Variants in CHD5 observed in about 807,000 individuals in gnomAD.
CHD5 encodes the protein ATP-dependent chromatin remodeler CHD5.
In CHD5, 69 loss-of-function variants were observed where a neutral mutation model predicts 230.3. The ratio of observed to expected loss-of-function variants is 0.30; its 90% CI spans 0.25 to 0.37. CHD5 has a LOEUF of 0.37. Among genes scored for constraint, CHD5 ranks in the 10% least tolerant of loss-of-function variants. The pLI, the probability that CHD5 is intolerant of heterozygous loss-of-function variation, is 1.00. For synonymous variants in CHD5, 1,064 were observed against 1,065.9 expected, an observed-to-expected ratio of 1.00 and a Z score of 0.03; for missense variants, 1,827 against 2,622.8, an observed-to-expected ratio of 0.70 and a Z score of 6.63.
Position 6,142,671 on chromosome 1 carries a change from C to CCTG in CHD5, c.2044-67_2044-66insCAG. On this transcript the variant is annotated intron_variant, in intron 13 of 41. Transcript: ENST00000262450. This position sits in a 1 kb window ranked among gnomAD's most constrained non-coding sequence, Gnocchi z 5.2. The stretch of plus-strand genomic sequence containing the variant: ...GGCCACCAGAGTCCACACTACAGGC[C>CCTG]TTTGCACATGCAATTCCTTCTGCCT... The CCTG allele has an allele frequency of 6.7e-7, 1 of 1,486,378 alleles. No homozygotes were observed. Among genetic ancestry groups the CCTG allele is most frequent in the South Asian group, 1.3e-5 (1 of 78,602 alleles). 92.1% of individuals were successfully genotyped at this position (1,486,378 alleles called of 1,614,324 possible).
At chr1:6,127,019 AT>A (rs1666569255) in intron 25 of CHD5, 1 of 504,114 alleles carries the variant, frequency 2.0e-6, no homozygotes, top group South Asian at 2.2e-5. Flanking sequence ...ACTGAGTTGA[AT>A]AAGCTCCCCC....
chr1:6,169,203 G>C (rs984532464), intron 1 of CHD5, among the ~76,000 whole-genome samples: 3 of 152,052 alleles, frequency 2.0e-5, no homozygotes, highest in South Asian at 4.1e-4. Flanking sequence ...CGTGGATCCC[G>C]CACCTGTGCA....
rs1246102971 is a variant in CHD5, at chr1:6,131,187, C to T, written c.3262+444G>A. ...CTGACCTCCACCCTCGCCTCTCCTT[C>T]CCAGGCAGGGAAGACCAAGCATGGG... On this transcript the variant is annotated intron_variant, in intron 21 of 41. Transcript: ENST00000262450. The surrounding 1 kb of genome is among the most constrained non-coding windows in gnomAD (Gnocchi z 5.0). Among the ~76,000 whole-genome samples the T allele has an allele frequency of 2.0e-5, 3 of 152,228 alleles. No homozygotes were observed. Among genetic ancestry groups the T allele is most frequent in the Non-Finnish European group, 4.4e-5 (3 of 68,030 alleles).
intron 15 of CHD5, among the ~76,000 whole-genome samples, chr1:6,139,538 A>AT (rs34914652): frequency 0.17 from 23,091 of 139,158 alleles, 1,965 homozygotes; most frequent in Middle Eastern, 0.27. Context: ...TGCCCGGCTG[A>AT]TTTTTTTTTT....
chr1:6,109,865 G>T lies in CHD5; in HGVS notation c.5508C>A (p.Ala1836=). The part of the protein sequence containing the change: ...NARLAEVECL[A]ESHQHLSKES... ...CCTTGGACAGGTGCTGGTGGCTCTC[G>T]GCGAGGCACTCCACTTCAGCCAGGC... Residue 1836 remains alanine, a synonymous_variant, in exon 38 of 42, where the codon GCC becomes GCA. Coordinates refer to ENST00000262450, the MANE Select transcript of CHD5 (RefSeq NM_015557.3). 2.5e-6 allele frequency: 4 copies of T among 1,612,756 alleles called. No individual in the cohort carries two copies. Among genetic ancestry groups the T allele is most frequent in the Non-Finnish European group, 3.4e-6 (4 of 1,179,674 alleles).
chr1:6,126,735 C>G lies in CHD5; in HGVS notation c.3915G>C (p.Glu1305Asp). Residue 1305 changes from glutamate (E) to aspartate (D), a missense_variant, in exon 26 of 42, where the codon GAG becomes GAC. Glu to Asp is a conservative substitution (Grantham distance 45, BLOSUM62 2). Around this residue, in one of 14 missense-constraint regions of CHD5, gnomAD observed 137 missense variants for 272.7 expected, o/e 0.50. Transcript: ENST00000262450. The surrounding 1 kb of genome is among the most constrained non-coding windows in gnomAD (Gnocchi z 5.7). ...VREEDGVEEV[E>D]REIIKQEENV... ...TCTCCTCCTGCTTGATGATTTCCCGCTCCACCTCCTCCTGGGGACGCAGCA... is the reference window on the plus strand; with the variant it reads ...TCTCCTCCTGCTTGATGATTTCCCGGTCCACCTCCTCCTGGGGACGCAGCA... The G allele has an allele frequency of 6.2e-7, 1 of 1,613,462 alleles. No homozygotes were observed. The highest frequency in any genetic ancestry group is 8.5e-7 in the Non-Finnish European group (1 of 1,179,616).
chr1:6,179,097 C>T (rs914953558), intron 1 of CHD5, among the ~76,000 whole-genome samples: 5 of 152,248 alleles, frequency 3.3e-5, no homozygotes, highest in East Asian at 1.9e-4. Context: ...AGAACTGTCC[C>T]GCAAGGCAAC....
At chr1:6,137,777 T>C (rs1666767440) in intron 15 of CHD5, among the ~76,000 whole-genome samples, 1 of 152,238 alleles carries the variant, frequency 6.6e-6, no homozygotes, top group Non-Finnish European at 1.5e-5. Flanking sequence ...TGATGTGAAA[T>C]TATTAATCAT....
Position 6,167,814 on chromosome 1 carries a change from A to T in CHD5, c.207+336T>A, listed in dbSNP as rs1041168363. ...ATCAGGTTTCAGTTTAGAGGGACGG[A>T]GTCAGCTACAGAGCAGGGAGTGGGG... On this transcript the variant is annotated intron_variant, in intron 2 of 41. Transcript: ENST00000262450. This position sits in a 1 kb window ranked among gnomAD's most constrained non-coding sequence, Gnocchi z 4.5. Among the ~76,000 whole-genome samples the T allele has an allele frequency of 2.0e-5, 3 of 152,110 alleles. No individual in the cohort carries two copies. The highest frequency in any genetic ancestry group is 4.8e-5 in the African/African-American group (2 of 41,402).
At chr1:6,113,056 C>T in intron 33 of CHD5, 58 bp from the exon 34 acceptor site, 1 of 1,208,322 alleles carries the variant, frequency 8.3e-7, no homozygotes, top group African/African-American at 1.5e-5. Context: ...ACAGAGGACT[C>T]TGGGCTCGTG....
intron 20 of CHD5, among the ~76,000 whole-genome samples, 153 bp downstream of exon 20, chr1:6,133,975 C>T (rs1038028188): frequency 6.6e-6 from 1 of 152,090 alleles, no homozygotes; most frequent in Non-Finnish European, 1.5e-5. Context: ...TGCCAGGGCA[C>T]GGGGGAGTGA....
rs755903378 is a variant in CHD5 at position 6,111,763 on chromosome 1, G to C, written c.5249+12C>G. On this transcript the variant is annotated intron_variant, in intron 36 of 41. Transcript: ENST00000262450. ...GGCAAGTCCCTGCCCAGCCCGGCCT[G>C]GCCAAGGATACGTCACGATGCCCGC... is the stretch of plus-strand genomic sequence containing the variant. The C allele has an allele frequency of 8.7e-6, 14 of 1,610,576 alleles. No homozygotes were observed. Among genetic ancestry groups the C allele is most frequent in the Non-Finnish European group, 1.2e-5 (14 of 1,177,550 alleles).
Position 6,151,092 on chromosome 1 carries a change from G to C in CHD5, c.934C>G (p.Arg312Gly). The change falls in exon 7 of 42, where the codon CGC (arginine) becomes GGC (glycine). Residue 312 changes from arginine (R) to glycine (G), a missense_variant. By Grantham distance (125) the Arg-to-Gly change is moderately radical. Transcript: ENST00000262450. Reference sequence around the variant, plus strand: ...CCCAGGGCTGCAGAGCATTCGGAGCGCACGGAGGCACTGTGGATGCTGGCG... The same window carrying C: ...CCCAGGGCTGCAGAGCATTCGGAGCCCACGGAGGCACTGTGGATGCTGGCG... ...DSASIHSASV[R>G]SECSAALGKK... 6.2e-7 allele frequency: 1 copy of C among 1,609,354 alleles called. No homozygotes were observed. Among genetic ancestry groups the C allele is most frequent in the Non-Finnish European group, 8.5e-7 (1 of 1,177,560 alleles).
At chr1:6,156,358 G>A (rs1667080889) in intron 3 of CHD5, among the ~76,000 whole-genome samples, 2 of 152,112 alleles carry the variant, frequency 1.3e-5, no homozygotes, top group Admixed American at 6.5e-5. Context: ...CCAACATGCT[G>A]AAACCCTGTC....
At chr1:6,169,222 C>T (rs1338790391) in intron 1 of CHD5, among the ~76,000 whole-genome samples, 1 of 152,196 alleles carries the variant, frequency 6.6e-6, no homozygotes, top group East Asian at 1.9e-4. Flanking sequence ...CACACACAGG[C>T]ACACAGGTCC....
chr1:6,168,549 C>G (rs1400716700), intron 1 of CHD5, among the ~76,000 whole-genome samples: 1 of 152,226 alleles, frequency 6.6e-6, no homozygotes, highest in Non-Finnish European at 1.5e-5. Context: ...AGACAGTGTT[C>G]AGAAAACTGA....
In CHD5 at chr1:6,128,408, C is replaced by T. The variant is rs1470777876; in HGVS notation, c.3730+91G>A. On this transcript the variant is annotated intron_variant, in intron 24 of 41. Transcript: ENST00000262450. The surrounding 1 kb of genome is among the most constrained non-coding windows in gnomAD (Gnocchi z 7.8). ...CCGCCCACCTGGCAGTCCCAGGACG[C>T]CCAAGTGAGGGCAGGTCAGGGAACC... The T allele has an allele frequency of 8.2e-7, 1 of 1,224,318 alleles. No homozygotes were observed. The highest frequency in any genetic ancestry group is 1.2e-6 in the Non-Finnish European group (1 of 848,304). 75.8% of individuals were successfully genotyped at this position (1,224,318 alleles called of 1,614,324 possible).
intron 1 of CHD5, among the ~76,000 whole-genome samples, chr1:6,178,231 C>T (rs1411637817): frequency 6.6e-6 from 1 of 152,108 alleles, no homozygotes; most frequent in Non-Finnish European, 1.5e-5. Context: ...GACCAGAGCC[C>T]CGCCTCTCTG....
rs373083783 is a variant in CHD5 at position 6,109,909 on chromosome 1, C to T, written c.5464G>A (p.Ala1822Thr). ...GCCAGGCGGGCGTTGAGGGCCATGG[C>T]GGGGTGGTTGGGGTCCTGCGTCATG... is the stretch of plus-strand genomic sequence containing the variant. ...LNMTQDPNHP[A>T]MALNARLAEV... is the part of the protein sequence containing the mutation. Residue 1822 changes from alanine to threonine, a missense_variant, in exon 38 of 42, where the codon GCC becomes ACC. Ala to Thr is a moderately conservative substitution (Grantham distance 58). This residue lies in a region of CHD5 where 208 missense variants were observed against 302.0 expected (regional missense o/e 0.69). Coordinates refer to ENST00000262450, the MANE Select transcript of CHD5 (RefSeq NM_015557.3). 6.2e-6 allele frequency: 10 copies of T among 1,610,366 alleles called. No homozygotes were observed. Among genetic ancestry groups the T allele is most frequent in the South Asian group, 2.2e-5 (2 of 90,762 alleles).
Sources: gnomAD v4.1 joint callset for allele counts (sites outside exome capture counted in the v4.1 genomes callset) on GRCh38, gnomAD v4.1.1 for gene constraint, gnomAD v4.1.1 regional missense constraint, Gnocchi (gnomAD v3.1) non-coding constraint, MANE v1.5 for transcripts, NCBI Gene and HGNC (gene_info 2026-07-23, HGNC 2026-07-21) for gene names.